The following NFYB variants were observed in gnomAD, a reference collection of about 807,000 sequenced individuals.
NFYB encodes the protein nuclear transcription factor Y subunit beta, also known as CAAT box DNA-binding protein subunit B.
A neutral mutation model predicts 28.0 loss-of-function variants in NFYB; 13 were observed. That is an observed-to-expected ratio of 0.46 (90% CI 0.30 to 0.74). The LOEUF (loss-of-function observed/expected upper bound fraction) is 0.74, where lower values mean the gene tolerates loss of function less well. Ranked by LOEUF, NFYB falls within the 30% of genes least tolerant of loss-of-function variation. The probability of loss-of-function intolerance (pLI) is 0.07; values close to 1 mark genes in which losing one functional copy is unlikely to be tolerated. For missense variants in NFYB, 142 were observed against 247.6 expected (o/e 0.57, Z 2.86); for synonymous variants, 74 against 75.0 (o/e 0.99, Z 0.07).
At chr12:104,127,575 A>T (rs553657444) in intron 3 of NFYB, among the ~76,000 whole-genome samples, 213 of 144,554 alleles carry the variant, frequency 1.5e-3, no homozygotes, top group African/African-American at 4.9e-3. Context: ...CTCAAAAAAA[A>T]TAAAAAATAA....
At position 104,126,148 on chromosome 12, in the gene NFYB, C is replaced by G; in HGVS notation, c.197G>C (p.Arg66Thr). The change falls in exon 4 of 8, where the codon AGG (arginine) becomes ACG (threonine). Residue 66 changes from arginine to threonine, a missense_variant. By Grantham distance (71) the Arg-to-Thr change is moderately conservative. Coordinates refer to ENST00000240055, the MANE Select transcript of NFYB (RefSeq NM_006166.4). Reference sequence around the variant, plus strand: ...TTGAGGTATGGCATTTTTCATTATCCTAGCCACGTTTGCTATTGGAAGATA... The same window carrying G: ...TTGAGGTATGGCATTTTTCATTATCGTAGCCACGTTTGCTATTGGAAGATA... ...DIYLPIANVA[R>T]IMKNAIPQTG... The G allele has an allele frequency of 6.2e-7, 1 of 1,600,362 alleles. No homozygotes were observed. Among genetic ancestry groups the G allele is most frequent in the Non-Finnish European group, 8.5e-7 (1 of 1,175,152 alleles).
chr12:104,132,181 G>T (rs1425317673), intron 2 of NFYB, among the ~76,000 whole-genome samples: 1 of 152,164 alleles, frequency 6.6e-6, no homozygotes, highest in Admixed American at 6.5e-5. Flanking sequence ...TAGTCTGAGG[G>T]GTCAAGAAAG....
At chr12:104,126,008 A>G (rs998785778) in intron 4 of NFYB, 106 bp downstream of exon 4, 9 of 1,181,614 alleles carry the variant, frequency 7.6e-6, no homozygotes, top group African/African-American at 4.7e-5. Flanking sequence ...ATTTGCTGAA[A>G]GCCTGAATGA....
chr12:104,129,602 C>G (rs1207762885), intron 2 of NFYB, among the ~76,000 whole-genome samples: 1 of 152,046 alleles, frequency 6.6e-6, no homozygotes, highest in African/African-American at 2.4e-5. Context: ...CAAATCAGGG[C>G]CAGGTGTGGC....
At chr12:104,132,027 T>C (rs1040589599) in intron 2 of NFYB, among the ~76,000 whole-genome samples, 4 of 152,210 alleles carry the variant, frequency 2.6e-5, no homozygotes, top group South Asian at 2.1e-4. Context: ...AAAGACAGCA[T>C]AGTACAATGG....
At chr12:104,127,717 C>T (rs2030774533) in intron 3 of NFYB, among the ~76,000 whole-genome samples, 1 of 145,546 alleles carries the variant, frequency 6.9e-6, no homozygotes, top group South Asian at 2.2e-4. Flanking sequence ...CTTTGTCACC[C>T]AGGCTGGAGT....
intron 5 of NFYB, among the ~76,000 whole-genome samples, chr12:104,122,836 A>C (rs2030531782): frequency 6.6e-6 from 1 of 152,218 alleles, no homozygotes; most frequent in South Asian, 2.1e-4. Flanking sequence ...AAAACAAGTA[A>C]TACATTTACA....
chr12:104,126,268 T>C, intron 3 of NFYB, 24 bp from the exon 4 acceptor site: 6 of 1,497,326 alleles, frequency 4.0e-6, no homozygotes, highest in Non-Finnish European at 5.3e-6. Flanking sequence ...AATATTTAGG[T>C]GTAAAGCTTC....
intron 1 of NFYB, chr12:104,137,364 C>T (rs1488648811): frequency 1.3e-5 from 2 of 152,294 alleles, no homozygotes; most frequent in East Asian, 3.8e-4. Flanking sequence ...ATCCGAAGGG[C>T]TTCCTTCCCA....
intron 2 of NFYB, among the ~76,000 whole-genome samples, chr12:104,134,839 A>G (rs2031046539): frequency 6.6e-6 from 1 of 152,244 alleles, no homozygotes; most frequent in African/African-American, 2.4e-5. Flanking sequence ...AAGAAGCTGT[A>G]ACACACCCGA....
At chr12:104,123,985 TAA>T (rs1363214254) in intron 4 of NFYB, among the ~76,000 whole-genome samples, 1 of 152,062 alleles carries the variant, frequency 6.6e-6, no homozygotes. Context: ...AAAAAAATTT[TAA>T]AAAGATATAA....
intron 5 of NFYB, 102 bp from the exon 6 acceptor site, chr12:104,121,423 A>G: frequency 1.1e-6 from 1 of 919,162 alleles, no homozygotes; most frequent in Non-Finnish European, 1.7e-6. Context: ...TATTATTACA[A>G]ACTCTAAGCA....
In NFYB at chr12:104,121,285, T is replaced by A. The variant is rs759090750; in HGVS notation, c.466A>T (p.Thr156Ser). ...KGEKGIGGAVTATDGLSEELT... is the reference protein window; with the variant it reads ...KGEKGIGGAVSATDGLSEELT... The stretch of plus-strand genomic sequence containing the variant: ...TCTTCACTTAGTCCATCTGTAGCTG[T>A]GACTGCTCCACCAATTCCCTTTTCT... Residue 156 changes from threonine to serine, a missense_variant, in exon 6 of 8, where the codon ACA becomes TCA. Thr to Ser is a moderately conservative substitution (Grantham distance 58). Transcript: ENST00000240055. The A allele has an allele frequency of 6.2e-7, 1 of 1,612,822 alleles. No homozygotes were observed. The highest frequency in any genetic ancestry group is 1.7e-5 in the Admixed American group (1 of 60,006).
intron 3 of NFYB, among the ~76,000 whole-genome samples, chr12:104,127,045 A>G (rs557985338): frequency 6.6e-6 from 1 of 152,210 alleles, no homozygotes; most frequent in East Asian, 1.9e-4. Flanking sequence ...CTATAACTGA[A>G]GCTTGCGCAG....
rs181152080 is a variant in NFYB, at chr12:104,132,508, G to A, written c.6+2940C>T. 3.0e-3 allele frequency among the ~76,000 whole-genome samples: 463 copies of A among 152,298 alleles called. 4 individuals are homozygous for A. The highest frequency in any genetic ancestry group is 6.8e-3 in the Middle Eastern group (2 of 294). On this transcript the variant is annotated intron_variant, in intron 2 of 7. Coordinates refer to ENST00000240055, the MANE Select transcript of NFYB (RefSeq NM_006166.4). ...TGAGGACTGCAATGCTGCAGTCAGGGCATGACTTCAAGCAAGATAATGATC... is the reference window on the plus strand; with the variant it reads ...TGAGGACTGCAATGCTGCAGTCAGGACATGACTTCAAGCAAGATAATGATC...
chr12:104,129,085 C>T (rs1378019989), intron 2 of NFYB, among the ~76,000 whole-genome samples: 1 of 152,230 alleles, frequency 6.6e-6, no homozygotes, highest in African/African-American at 2.4e-5. Flanking sequence ...GAATCTAAAG[C>T]ATATGCCTCT....
Position 104,123,432 on chromosome 12 carries a change from A to G in NFYB, c.232-9T>C. The G allele has an allele frequency of 6.2e-7, 1 of 1,612,216 alleles. No homozygotes were observed. The highest frequency in any genetic ancestry group is 1.1e-5 in the South Asian group (1 of 90,678). Reference sequence around the variant, plus strand: ...TTGGCATCTTTTGCAATCTGAAGAGAAAATCATAGGTAAATTACAGAAACT... The same window carrying G: ...TTGGCATCTTTTGCAATCTGAAGAGGAAATCATAGGTAAATTACAGAAACT... On this transcript the variant is annotated splice_polypyrimidine_tract_variant and intron_variant, in intron 4 of 7. Coordinates refer to ENST00000240055, the MANE Select transcript of NFYB (RefSeq NM_006166.4).
chr12:104,137,870 T>A (rs1198153680), intron 1 of NFYB: 1 of 144,218 alleles, frequency 6.9e-6, no homozygotes, highest in Non-Finnish European at 1.5e-5. Flanking sequence ...GCGGCGAGGG[T>A]GAGGTGGCCT....
At chr12:104,120,266 G>T in intron 7 of NFYB, 134 bp downstream of exon 7, 2 of 619,518 alleles carry the variant, frequency 3.2e-6, no homozygotes, top group Non-Finnish European at 2.9e-6. Context: ...TGTTGGCCAG[G>T]CTGGTCTTGA....
Sources: allele counts gnomAD v4.1 joint callset (sites outside exome capture counted in the v4.1 genomes callset), GRCh38; gene constraint gnomAD v4.1.1; transcripts MANE v1.5; gene names NCBI Gene and HGNC (gene_info 2026-07-23, HGNC 2026-07-21).